F12: variants seen among roughly 807,000 people sequenced by gnomAD.
F12 encodes the protein coagulation factor XII, also known as Hageman factor.
A neutral mutation model predicts 74.8 loss-of-function variants in F12; 70 were observed. That is an observed-to-expected ratio of 0.94 (90% CI 0.77 to 1.14). The LOEUF (loss-of-function observed/expected upper bound fraction) is 1.14, where lower values mean the gene tolerates loss of function less well. Ranked by LOEUF, F12 falls within the 50% of genes most tolerant of loss-of-function variation. The pLI, the probability that F12 is intolerant of heterozygous loss-of-function variation, is 0.00. For missense variants in F12, 811 were observed against 835.7 expected (o/e 0.97, Z 0.36); for synonymous variants, 373 against 356.4 (o/e 1.05, Z -0.52).
chr5:177,406,128 G>T, intron 2 of F12, 67 bp from the exon 3 acceptor site: 2 of 1,404,544 alleles, frequency 1.4e-6, no homozygotes, highest in Non-Finnish European at 2.0e-6. Flanking sequence ...GTCCCTCAGG[G>T]TCTGGTCAGG....
chr5:177,404,471 A>T, intron 8 of F12, 28 bp downstream of exon 8: 1 of 1,594,794 alleles, frequency 6.3e-7, no homozygotes, highest in Non-Finnish European at 8.5e-7. Context: ...CCTGGGGCGG[A>T]GGGGTCACCC....
At chr5:177,403,691 G>A (rs1561640426) in intron 10 of F12, 74 bp from the exon 11 acceptor site, 2 of 1,561,838 alleles carry the variant, frequency 1.3e-6, no homozygotes, top group South Asian at 1.1e-5. Context: ...CCCTGCTCCC[G>A]AACCCCAATC....
In F12 at chr5:177,402,368, C is replaced by T. The variant is rs1383338467; in HGVS notation, c.1772G>A (p.Gly591Asp). Residue 591 changes from glycine (G) to aspartate (D), a missense_variant, in exon 14 of 14, where the codon GGT becomes GAT. Coordinates refer to ENST00000253496, the MANE Select transcript of F12 (RefSeq NM_000505.4). ...QGIISWGSGC[G>D]DRNKPGVYTD... is the part of the protein sequence containing the mutation. ...GTAGACGCCTGGCTTGTTGCGGTCA[C>T]CACAGCCCGATCCCCAGCTGATGAT... 4 of 1,613,612 alleles carry T rather than the reference C, an allele frequency of 2.5e-6. No homozygotes were observed. The highest frequency in any genetic ancestry group is 3.4e-6 in the Non-Finnish European group (4 of 1,179,998).
At chr5:177,403,454 C>T (rs746658099) in intron 11 of F12, 27 bp downstream of exon 11, 1 of 1,560,150 alleles carries the variant, frequency 6.4e-7, no homozygotes, top group Non-Finnish European at 8.6e-7. Context: ...AGCTCTCTTC[C>T]CGTCCCCGCG....
Position 177,404,346 on chromosome 5 carries a change from A to C in F12, c.868T>G (p.Cys290Gly). 6.2e-7 allele frequency: 1 copy of C among 1,611,368 alleles called. No individual in the cohort carries two copies. The highest frequency in any genetic ancestry group is 8.5e-7 in the Non-Finnish European group (1 of 1,179,278). ...GGGGTCTGGCACTGTGCCAGGTCGC[A>C]GTACTCCCAGCTCAGCCGGTCGCGG... ...LNRDRLSWEY[C>G]DLAQCQTPTQ... The change falls in exon 9 of 14, where the codon TGC becomes GGC. Residue 290 changes from cysteine (C) to glycine (G), a missense_variant. Cys to Gly is a radical substitution (Grantham distance 159, BLOSUM62 -3). Transcript: ENST00000253496.
In F12 at chr5:177,405,184, C is replaced by T. The variant is rs2127360661; in HGVS notation, c.399G>A (p.Glu133=). ...QHLTGNHCQK[E]KCFEPQLLRF... is the part of the protein sequence containing the mutation. ...GGAGAAGCTGAGGCTCAAAGCACTTCTCTGGGGACAAAGAGGGATAGTGGT... is the reference window on the plus strand; with the variant it reads ...GGAGAAGCTGAGGCTCAAAGCACTTTTCTGGGGACAAAGAGGGATAGTGGT... The change falls in exon 6 of 14, where the codon GAG becomes GAA. Residue 133 remains glutamate, a splice_region_variant and synonymous_variant. Coordinates refer to ENST00000253496, the MANE Select transcript of F12 (RefSeq NM_000505.4). 6.2e-7 allele frequency: 1 copy of T among 1,613,954 alleles called. No individual in the cohort carries two copies. The highest frequency in any genetic ancestry group is 8.5e-7 in the Non-Finnish European group (1 of 1,180,038).
Position 177,403,907 on chromosome 5 carries a change from A to T in F12, c.1202T>A (p.Leu401His). ...YWGHSFCAGSLIAPCWVLTAA... is the reference protein window; with the variant it reads ...YWGHSFCAGSHIAPCWVLTAA... ...CGTCAGCACCCAGCAGGGGGCGATG[A>T]GGCTGCCGGCGCAGAAACTGTGGCC... Residue 401 changes from leucine to histidine, a missense_variant, in exon 10 of 14, where the codon CTC (leucine) becomes CAC (histidine). Coordinates refer to ENST00000253496, the MANE Select transcript of F12 (RefSeq NM_000505.4). 6.3e-7 allele frequency: 1 copy of T among 1,585,136 alleles called. No homozygotes were observed. Among genetic ancestry groups the T allele is most frequent in the Non-Finnish European group, 8.6e-7 (1 of 1,168,980 alleles).
chr5:177,407,724 G>T (rs570429021), intron 2 of F12, among the ~76,000 whole-genome samples: 1 of 151,766 alleles, frequency 6.6e-6, no homozygotes, highest in South Asian at 2.1e-4. Flanking sequence ...GGCGGAGGTT[G>T]CAATGAGCCA....
Position 177,409,508 on chromosome 5 carries a change from A to C in F12, c.20T>G (p.Leu7Arg), listed in dbSNP as rs1439886452. Residue 7 changes from leucine to arginine, a missense_variant, in exon 1 of 14, where the codon CTG (leucine) becomes CGG (arginine). By Grantham distance (102) the Leu-to-Arg change is moderately radical. Transcript: ENST00000253496. ...CTCCAAGCTCACCAGCAGGAACCCCAGGAGCAGCAGAGCCCTCATGGCATC... is the reference window on the plus strand; with the variant it reads ...CTCCAAGCTCACCAGCAGGAACCCCCGGAGCAGCAGAGCCCTCATGGCATC... MRALLL[L>R]GFLLVSLEST... The C allele has an allele frequency of 6.2e-7, 1 of 1,614,130 alleles. No homozygotes were observed. Among genetic ancestry groups the C allele is most frequent in the Admixed American group, 1.7e-5 (1 of 60,008 alleles).
In F12 at chr5:177,403,820, C is replaced by T. The variant is rs765440527; in HGVS notation, c.1250+39G>A. ...AAGCTGCGCTGGGAGACGGAGGAGC[C>T]GCGGCCCCTGGGGCGGCTCTGGGCG... On this transcript the variant is annotated intron_variant, in intron 10 of 13. Coordinates refer to ENST00000253496, the MANE Select transcript of F12 (RefSeq NM_000505.4). 153 of 1,477,238 alleles carry T rather than the reference C, an allele frequency of 1.0e-4. 4 individuals are homozygous for T. In the South Asian group the frequency reaches 1.9e-3, roughly 19 times the overall value. The allele number at this position is 1,477,238 out of a possible 1,614,324, so 91.5% of individuals were successfully genotyped here.
At position 177,405,155 on chromosome 5, in the gene F12, A is replaced by C; in HGVS notation, c.428T>G (p.Phe143Cys). The C allele has an allele frequency of 1.2e-6, 2 of 1,614,006 alleles. No individual in the cohort carries two copies. The highest frequency in any genetic ancestry group is 1.7e-6 in the Non-Finnish European group (2 of 1,180,030). ...EKCFEPQLLR[F>C]FHKNEIWYRT... ...ATACCATATCTCATTCTTGTGGAAA[A>C]ACCGGAGAAGCTGAGGCTCAAAGCA... The change falls in exon 6 of 14, where the codon TTT becomes TGT. Residue 143 changes from phenylalanine to cysteine, a missense_variant. Physicochemically the swap from Phe to Cys is radical, Grantham distance 205 (BLOSUM62 -2). Transcript: ENST00000253496.
In F12 at chr5:177,402,647, GAGA is replaced by G. The variant is rs1232750349; in HGVS notation, c.1580_1582del (p.Leu527_Ser528delinsPro). ...GTCCGGGGCTGAGCAGCGCTCCAGG[GAGA>G]GGAACGGTACCTGCGCCTCCTGCAG... On this transcript the variant is annotated inframe_deletion, in exon 13 of 14. Transcript: ENST00000253496. 1 of 1,612,822 alleles carries G rather than the reference GAGA, an allele frequency of 6.2e-7. No homozygotes were observed. Among genetic ancestry groups the G allele is most frequent in the African/African-American group, 1.3e-5 (1 of 74,930 alleles).
rs1233536521 is a variant in F12, at chr5:177,405,068, C to G, written c.515G>C (p.Arg172Pro). ...CATCTGCTCACCCTGGCTGGCCAGC[C>G]GCTGGCAGTGGGCATCAGGACCCTT... ...QCKGPDAHCQ[R>P]LASQACRTNP... The change falls in exon 6 of 14, where the codon CGG (arginine) becomes CCG (proline). Residue 172 changes from arginine to proline, a missense_variant. Physicochemically the swap from Arg to Pro is moderately radical, Grantham distance 103 (BLOSUM62 -2). Coordinates refer to ENST00000253496, the MANE Select transcript of F12 (RefSeq NM_000505.4). 6.2e-7 allele frequency: 1 copy of G among 1,612,980 alleles called. No homozygotes were observed. Among genetic ancestry groups the G allele is most frequent in the East Asian group, 2.2e-5 (1 of 44,882 alleles).
chr5:177,406,068 G>T lies in F12; in HGVS notation c.116-7C>A, dbSNP rs781337997. On this transcript the variant is annotated splice_region_variant and splice_polypyrimidine_tract_variant and intron_variant, in intron 2 of 13. Transcript: ENST00000253496. Reference sequence around the variant, plus strand: ...TCCCCGGTGACAGTGAGAACTGCAGGGACAACACACTCTCTGAGGACTTCC... The same window carrying T: ...TCCCCGGTGACAGTGAGAACTGCAGTGACAACACACTCTCTGAGGACTTCC... 3 of 1,612,490 alleles carry T rather than the reference G, an allele frequency of 1.9e-6. No individual in the cohort carries two copies. In the Admixed American group the frequency reaches 5.0e-5, roughly 27 times the overall value.
intron 1 of F12, 88 bp downstream of exon 1, chr5:177,409,383 C>A (rs1422145199): frequency 1.1e-5 from 17 of 1,483,652 alleles, no homozygotes; most frequent in Non-Finnish European, 1.5e-5. Flanking sequence ...CCTGGACCCA[C>A]AGGTCATGAG....
At chr5:177,403,688 C>G in intron 10 of F12, 71 bp from the exon 11 acceptor site, 1 of 1,565,730 alleles carries the variant, frequency 6.4e-7, no homozygotes, top group Non-Finnish European at 8.6e-7. Flanking sequence ...GCCCCCTGCT[C>G]CCGAACCCCA....
At position 177,404,257 on chromosome 5, in the gene F12, C is replaced by T; in HGVS notation, c.957G>A (p.Gln319=). The T allele has an allele frequency of 6.3e-7, 1 of 1,595,698 alleles. No individual in the cohort carries two copies. Among genetic ancestry groups the T allele is most frequent in the Non-Finnish European group, 8.5e-7 (1 of 1,169,944 alleles). ...PRLHVPLMPA[Q]PAPPKPQPTT... is the part of the protein sequence containing the mutation. ...TGGGCTGAGGCTTCGGCGGTGCCGG[C>T]TGCGCGGGCATGAGTGGGACATGAA... Residue 319 remains glutamine, a synonymous_variant, in exon 9 of 14, where the codon CAG becomes CAA. Transcript: ENST00000253496.
intron 6 of F12, 63 bp downstream of exon 6, chr5:177,404,991 C>A: frequency 4.4e-6 from 7 of 1,594,354 alleles, no homozygotes; most frequent in East Asian, 2.2e-5. Flanking sequence ...GCACACCACC[C>A]GGCCTCCTGC....
chr5:177,403,426 G>A (rs1301546329), intron 11 of F12, 29 bp from the exon 12 acceptor site: 1 of 1,570,276 alleles, frequency 6.4e-7, no homozygotes, highest in Non-Finnish European at 8.6e-7. Flanking sequence ...AGCGTGAGGC[G>A]GGGACGCCGG....
Sources: gnomAD v4.1 joint callset for allele counts (sites outside exome capture counted in the v4.1 genomes callset) on GRCh38, gnomAD v4.1.1 for gene constraint, MANE v1.5 for transcripts, NCBI Gene and HGNC (gene_info 2026-07-23, HGNC 2026-07-21) for gene names.